Variants in RNGTT observed in about 807,000 individuals in gnomAD.
RNGTT encodes the protein RNA guanylyltransferase and 5'-phosphatase.
In RNGTT, 33 loss-of-function variants were observed where a neutral mutation model predicts 79.3. The ratio of observed to expected loss-of-function variants is 0.42; its 90% confidence interval spans 0.32 to 0.56. The LOEUF (loss-of-function observed/expected upper bound fraction) is 0.56, where lower values mean the gene tolerates loss of function less well. RNGTT is among the 20% of genes least tolerant of loss of function. RNGTT has a pLI of 0.17. For synonymous variants in RNGTT, 222 were observed against 235.9 expected (o/e 0.94, Z 0.54); for missense variants, 497 against 739.1 (o/e 0.67, Z 3.80).
At chr6:88,730,389 T>C (rs1777067597) in intron 13 of RNGTT, among the ~76,000 whole-genome samples, 1 of 152,182 alleles carries the variant, frequency 6.6e-6, no homozygotes, top group African/African-American at 2.4e-5. Flanking sequence ...AATAGGTGAA[T>C]GACACAGCAG....
At chr6:88,703,326 A>G (rs1489843192) in intron 13 of RNGTT, among the ~76,000 whole-genome samples, 1 of 152,250 alleles carries the variant, frequency 6.6e-6, no homozygotes, top group East Asian at 1.9e-4. Flanking sequence ...TGGACTAGAT[A>G]AAGAACATGT....
chr6:88,824,462 G>A (rs1328453579), intron 11 of RNGTT, among the ~76,000 whole-genome samples: 1 of 152,130 alleles, frequency 6.6e-6, no homozygotes, highest in Admixed American at 6.5e-5. Context: ...CTGTTAAGTG[G>A]CACACAACTA....
intron 11 of RNGTT, among the ~76,000 whole-genome samples, chr6:88,807,240 T>C (rs1271226870): frequency 6.6e-6 from 1 of 152,260 alleles, no homozygotes; most frequent in East Asian, 1.9e-4. Flanking sequence ...TACCCTGAAC[T>C]TAAAAGTTGA....
chr6:88,824,386 T>C (rs1780588426), intron 11 of RNGTT, among the ~76,000 whole-genome samples: 1 of 152,258 alleles, frequency 6.6e-6, no homozygotes, highest in Non-Finnish European at 1.5e-5. Flanking sequence ...TACACCTGTA[T>C]AGGGCAACTT....
At chr6:88,713,058 A>T (rs1776372516) in intron 13 of RNGTT, among the ~76,000 whole-genome samples, 1 of 152,178 alleles carries the variant, frequency 6.6e-6, no homozygotes. Flanking sequence ...CTATATCTAT[A>T]TGTTATGGGC....
At chr6:88,754,948 G>A (rs1777959593) in intron 13 of RNGTT, among the ~76,000 whole-genome samples, 1 of 152,112 alleles carries the variant, frequency 6.6e-6, no homozygotes, top group African/African-American at 2.4e-5. Flanking sequence ...TCTGTTCGAG[G>A]CTCTCAGCTC....
intron 6 of RNGTT, 36 bp downstream of exon 6, chr6:88,904,679 A>AG (rs1491047017): frequency 6.9e-7 from 1 of 1,459,568 alleles, no homozygotes; most frequent in African/African-American, 1.4e-5. Flanking sequence ...CAGAAAAAGG[A>AG]AAAAAAAAAC....
At chr6:88,815,635 A>AG (rs1482859113) in intron 11 of RNGTT, among the ~76,000 whole-genome samples, 2 of 152,170 alleles carry the variant, frequency 1.3e-5, no homozygotes, top group Non-Finnish European at 2.9e-5. Context: ...AGTCACACCC[A>AG]TCAGCAGGAA....
chr6:88,633,875 C>T (rs1052120064), intron 14 of RNGTT, among the ~76,000 whole-genome samples: 6 of 151,996 alleles, frequency 3.9e-5, no homozygotes, highest in African/African-American at 7.2e-5. Context: ...GAGAGGGGAG[C>T]GGAGGAACAG....
At chr6:88,669,829 T>C (rs1357147577) in intron 14 of RNGTT, among the ~76,000 whole-genome samples, 1 of 152,190 alleles carries the variant, frequency 6.6e-6, no homozygotes, top group African/African-American at 2.4e-5. Flanking sequence ...AACAGAAGCA[T>C]AGCCATAGGC....
chr6:88,750,925 A>G lies in RNGTT; in HGVS notation c.1439+18849T>C, dbSNP rs138609140. On this transcript the variant is annotated intron_variant, in intron 13 of 15. Transcript: ENST00000369485. Reference sequence around the variant, plus strand: ...ACCTTACTTACTCTAATAGTATAGCATTTGGCACAGTAATAGTTATTTATA... The same window carrying G: ...ACCTTACTTACTCTAATAGTATAGCGTTTGGCACAGTAATAGTTATTTATA... Among the ~76,000 whole-genome samples, 55 of 152,246 alleles carry G rather than the reference A, an allele frequency of 3.6e-4. No homozygotes were observed. The East Asian group carries it at 9.8e-3, about 27-fold the overall frequency.
chr6:88,823,361 G>A (rs912425401), intron 11 of RNGTT, among the ~76,000 whole-genome samples: 3 of 151,944 alleles, frequency 2.0e-5, no homozygotes, highest in Non-Finnish European at 4.4e-5. Flanking sequence ...TCTTGAACTC[G>A]GGAGGCTGAG....
chr6:88,750,737 T>C (rs1418044944), intron 13 of RNGTT, among the ~76,000 whole-genome samples: 4 of 152,184 alleles, frequency 2.6e-5, no homozygotes, highest in African/African-American at 9.6e-5. Context: ...GCTTTCTGTC[T>C]TGAATGTCAT....
chr6:88,771,303 A>G (rs866793394), intron 12 of RNGTT, among the ~76,000 whole-genome samples: 37 of 82,470 alleles, frequency 4.5e-4, no homozygotes, highest in Middle Eastern at 0.016. Context: ...GTATGTATGT[A>G]TGTGTGTGTG....
intron 8 of RNGTT, among the ~76,000 whole-genome samples, chr6:88,873,804 C>T (rs1296451636): frequency 3.9e-5 from 6 of 152,026 alleles, no homozygotes; most frequent in Non-Finnish European, 7.4e-5. Flanking sequence ...GAAATTTTTA[C>T]TAAAATGCTT....
chr6:88,690,341 G>A (rs1400696728), intron 13 of RNGTT, among the ~76,000 whole-genome samples: 4 of 152,012 alleles, frequency 2.6e-5, no homozygotes, highest in Non-Finnish European at 4.4e-5. Flanking sequence ...GAAACCACGT[G>A]AAAGATATAC....
chr6:88,779,887 G>T (rs1021975303), intron 12 of RNGTT, among the ~76,000 whole-genome samples: 2 of 152,104 alleles, frequency 1.3e-5, no homozygotes, highest in African/African-American at 4.8e-5. Context: ...CAGCCACCTG[G>T]GGGGGCCAAG....
Position 88,949,159 on chromosome 6 carries a change from G to GAAAAAAAAAAAAAAAAAAA in RNGTT, c.65-7998_65-7980dup. ...AATAAAAAATAAAATAAAATAAAAT[G>GAAAAAAAAAAAAAAAAAAA]AAAAAAAAAAAAAAAAAAAGAAAAT... On this transcript the variant is annotated intron_variant, in intron 1 of 15. Transcript: ENST00000369485. Among the ~76,000 whole-genome samples the GAAAAAAAAAAAAAAAAAAA allele has an allele frequency of 2.4e-4, 12 of 50,514 alleles. 1 individual carries two copies. Among genetic ancestry groups the GAAAAAAAAAAAAAAAAAAA allele is most frequent in the African/African-American group, 4.0e-4 (5 of 12,588 alleles). The allele number at this position is 50,514 out of a possible 152,430, so 33.1% of individuals were successfully genotyped here.
At chr6:88,818,215 A>G (rs968504988) in intron 11 of RNGTT, among the ~76,000 whole-genome samples, 2 of 152,204 alleles carry the variant, frequency 1.3e-5, no homozygotes, top group South Asian at 4.1e-4. Flanking sequence ...ACAGCCAAAT[A>G]TACTATCATT....
Sources: gnomAD v4.1 joint callset for allele counts (sites outside exome capture counted in the v4.1 genomes callset) on GRCh38, gnomAD v4.1.1 for gene constraint, MANE v1.5 for transcripts, NCBI Gene and HGNC (gene_info 2026-07-23, HGNC 2026-07-21) for gene names.